Variants in MYCBP2 observed in about 807,000 individuals in gnomAD.
The protein encoded by MYCBP2 is E3 ubiquitin-protein ligase MYCBP2.
MYCBP2 carries 120 observed loss-of-function variants against 525.3 expected under a neutral mutation model. The ratio of observed to expected loss-of-function variants is 0.23; its 90% CI spans 0.20 to 0.27. MYCBP2 has a LOEUF of 0.27. MYCBP2 is among the 10% of genes least tolerant of loss of function. The pLI is 1.00. For synonymous variants in MYCBP2, 1,894 were observed against 1,955.8 expected (o/e 0.97, Z 0.83); for missense variants, 4,149 against 5,657.1 (o/e 0.73, Z 8.55).
At chr13:77,259,278 G>A (rs1042442882) in intron 13 of MYCBP2, among the ~76,000 whole-genome samples, 3 of 151,630 alleles carry the variant, frequency 2.0e-5, no homozygotes, top group Non-Finnish European at 4.4e-5. Context: ...AAAAAAAAGT[G>A]TTGGTGCTAG....
At chr13:77,195,263 C>A (rs1339156518) in intron 26 of MYCBP2, among the ~76,000 whole-genome samples, 1 of 152,098 alleles carries the variant, frequency 6.6e-6, no homozygotes, top group Non-Finnish European at 1.5e-5. Flanking sequence ...CTTCTCTGTT[C>A]TGGTTAATGG....
At chr13:77,124,756 G>A (rs1434284757) in intron 54 of MYCBP2, among the ~76,000 whole-genome samples, 1 of 152,176 alleles carries the variant, frequency 6.6e-6, no homozygotes, top group Non-Finnish European at 1.5e-5. Context: ...AAGTGATAAT[G>A]TGGTCTCAAC....
intron 55 of MYCBP2, among the ~76,000 whole-genome samples, chr13:77,116,268 TA>T (rs997746426): frequency 2.0e-5 from 3 of 151,902 alleles, no homozygotes; most frequent in Non-Finnish European, 2.9e-5. Flanking sequence ...AAAACAAAAA[TA>T]AATCTCATTT....
At chr13:77,320,831 C>T (rs907235058) in intron 1 of MYCBP2, among the ~76,000 whole-genome samples, 1 of 152,124 alleles carries the variant, frequency 6.6e-6, no homozygotes, top group Non-Finnish European at 1.5e-5. Flanking sequence ...CTTCCACTTA[C>T]AGGAAATACA....
chr13:77,181,977 C>G (rs1460809723), intron 32 of MYCBP2, 55 bp from the exon 33 acceptor site: 1 of 1,379,080 alleles, frequency 7.3e-7, no homozygotes, highest in African/African-American at 1.5e-5. Context: ...TCAGTATAAT[C>G]TAAGTTTCTG....
intron 36 of MYCBP2, among the ~76,000 whole-genome samples, chr13:77,175,901 G>C (rs1237636054): frequency 1.3e-5 from 2 of 151,130 alleles, no homozygotes; most frequent in African/African-American, 4.9e-5. Context: ...AGGTTGCAGT[G>C]AGCCAAGATC....
intron 40 of MYCBP2, among the ~76,000 whole-genome samples, chr13:77,167,762 T>C (rs2058701511): frequency 6.6e-6 from 1 of 152,212 alleles, no homozygotes; most frequent in Admixed American, 6.5e-5. Context: ...TGGGAATAAA[T>C]AAGACAGGTC....
At chr13:77,130,943 T>C (rs921968454) in intron 52 of MYCBP2, among the ~76,000 whole-genome samples, 6 of 152,210 alleles carry the variant, frequency 3.9e-5, no homozygotes, top group Non-Finnish European at 8.8e-5. Context: ...TAAGTCAATG[T>C]GCAAACATAA....
At chr13:77,077,551 T>C (rs1165589711) in intron 66 of MYCBP2, 164 bp from the exon 67 acceptor site, 1 of 765,594 alleles carries the variant, frequency 1.3e-6, no homozygotes, top group African/African-American at 1.8e-5. Context: ...CAGGTGAAGA[T>C]AAGTAATATT....
intron 17 of MYCBP2, among the ~76,000 whole-genome samples, chr13:77,242,727 T>A (rs1426009657): frequency 6.6e-6 from 1 of 152,238 alleles, no homozygotes; most frequent in African/African-American, 2.4e-5. Flanking sequence ...AAGGACAAGT[T>A]GTGAGAATAT....
At chr13:77,166,932 A>T (rs1265377971) in intron 40 of MYCBP2, among the ~76,000 whole-genome samples, 1 of 151,610 alleles carries the variant, frequency 6.6e-6, no homozygotes, top group African/African-American at 2.4e-5. Context: ...CAGTAATTTG[A>T]CATACACTTA....
chr13:77,129,019 A>G (rs929940482), intron 52 of MYCBP2: 14 of 388,298 alleles, frequency 3.6e-5, no homozygotes, highest in African/African-American at 2.9e-4. Context: ...GAGAAAACTC[A>G]ATTGCAGCAC....
At chr13:77,068,414 A>AAAAAAAAAAAAAAAAAAAAAAT in intron 70 of MYCBP2, 151 bp downstream of exon 70, 5 of 844,674 alleles carry the variant, frequency 5.9e-6, no homozygotes, top group Non-Finnish European at 8.9e-6. Context: ...ACAGTAAAAA[A>AAAAAAAAAAAAAAAAAAAAAAT]GGGAGTAAAA....
At chr13:77,245,805 C>T (rs916863840) in intron 15 of MYCBP2, among the ~76,000 whole-genome samples, 2 of 150,414 alleles carry the variant, frequency 1.3e-5, no homozygotes, top group African/African-American at 4.9e-5. Context: ...AACATTCACA[C>T]ATTGGAAAGG....
intron 1 of MYCBP2, among the ~76,000 whole-genome samples, chr13:77,303,971 A>G (rs2079099196): frequency 1.3e-5 from 2 of 152,230 alleles, no homozygotes; most frequent in Admixed American, 6.5e-5. Flanking sequence ...TACATAACAA[A>G]AAGACAAAAA....
chr13:77,275,921 T>A (rs914332391), intron 4 of MYCBP2, among the ~76,000 whole-genome samples: 1 of 152,156 alleles, frequency 6.6e-6, no homozygotes, highest in African/African-American at 2.4e-5. Flanking sequence ...GAGGTGGAAG[T>A]TGCAGTGAGC....
intron 1 of MYCBP2, among the ~76,000 whole-genome samples, chr13:77,298,249 G>A (rs1032514710): frequency 4.6e-5 from 7 of 152,088 alleles, no homozygotes; most frequent in Admixed American, 1.3e-4. Context: ...TCTCTACCAC[G>A]TCTTCTCCTG....
chr13:77,097,247 A>G (rs2046401274), intron 56 of MYCBP2, 123 bp downstream of exon 56: 1 of 1,337,702 alleles, frequency 7.5e-7, no homozygotes, highest in South Asian at 1.6e-5. Context: ...TACTTTAAAA[A>G]TGACATTCTA....
chr13:77,170,533 C>T (rs2059028126), intron 38 of MYCBP2, among the ~76,000 whole-genome samples: 6 of 151,138 alleles, frequency 4.0e-5, no homozygotes, highest in Admixed American at 3.3e-4. Context: ...TGATGTTAAA[C>T]TAGGTTTAGG....
Sources: gnomAD v4.1 joint callset for allele counts (sites outside exome capture counted in the v4.1 genomes callset) on GRCh38, gnomAD v4.1.1 for gene constraint, MANE v1.5 for transcripts, NCBI Gene and HGNC (gene_info 2026-07-23, HGNC 2026-07-21) for gene names.